Variants in EXT1 observed in about 807,000 individuals in gnomAD.
EXT1 encodes the protein exostosin-1.
EXT1 carries 20 observed loss-of-function variants against 82.5 expected under a neutral mutation model. The observed-to-expected ratio is 0.24, with a 90% CI of 0.17 to 0.35. The LOEUF is 0.35. Ranked by LOEUF, EXT1 falls within the 10% of genes least tolerant of loss-of-function variation. The pLI is 1.00. For missense variants in EXT1, 757 were observed against 936.5 expected (o/e 0.81, Z 2.50); for synonymous variants, 348 against 350.8 (o/e 0.99, Z 0.09).
intron 7 of EXT1, among the ~76,000 whole-genome samples, chr8:117,815,332 T>G (rs903992521): frequency 6.6e-6 from 1 of 152,214 alleles, no homozygotes. Context: ...AAATGGAGAA[T>G]GAGGAAGATG....
intron 1 of EXT1, among the ~76,000 whole-genome samples, chr8:118,002,984 C>T (rs763489135): frequency 6.6e-6 from 1 of 152,034 alleles, no homozygotes; most frequent in Non-Finnish European, 1.5e-5. Context: ...AGCACAAACG[C>T]CCATCAGTCA....
intron 1 of EXT1, among the ~76,000 whole-genome samples, chr8:117,953,934 A>T (rs111286177): frequency 1.5e-4 from 23 of 152,250 alleles, no homozygotes; most frequent in Non-Finnish European, 2.9e-4. Flanking sequence ...AAATAAAAAT[A>T]AAAATAAAAA....
At chr8:118,085,034 C>A (rs1239428931) in intron 1 of EXT1, among the ~76,000 whole-genome samples, 1 of 152,178 alleles carries the variant, frequency 6.6e-6, no homozygotes, top group Non-Finnish European at 1.5e-5. Context: ...GCCTTTATGG[C>A]TAACAAGGTA....
At chr8:117,827,766 C>T (rs1587000205) in intron 4 of EXT1, among the ~76,000 whole-genome samples, 1 of 97,962 alleles carries the variant, frequency 1.0e-5, no homozygotes, top group African/African-American at 4.3e-5. Context: ...GCCTGGGGGA[C>T]AGGGTGAGAC....
chr8:118,107,011 T>G (rs1184210232), intron 1 of EXT1, among the ~76,000 whole-genome samples: 1 of 152,262 alleles, frequency 6.6e-6, no homozygotes, highest in Non-Finnish European at 1.5e-5. Context: ...TTGCAGCTTT[T>G]CTATACCTTT....
intron 1 of EXT1, among the ~76,000 whole-genome samples, chr8:117,907,246 A>G (rs1813560468): frequency 6.6e-6 from 1 of 152,258 alleles, no homozygotes; most frequent in Admixed American, 6.5e-5. Context: ...GAATGCAATC[A>G]GTCCATCTAA....
chr8:117,818,341 A>G (rs1811861653), intron 7 of EXT1, 94 bp downstream of exon 7: 4 of 935,244 alleles, frequency 4.3e-6, no homozygotes, highest in African/African-American at 1.6e-5. Flanking sequence ...ATCCAGGAAC[A>G]GGGAGAAGAT....
At chr8:118,068,369 G>T (rs987784375) in intron 1 of EXT1, among the ~76,000 whole-genome samples, 1 of 152,206 alleles carries the variant, frequency 6.6e-6, no homozygotes, top group African/African-American at 2.4e-5. Flanking sequence ...GGATGCACAG[G>T]TTTGTTACAT....
At chr8:117,891,846 G>A (rs577771910) in intron 1 of EXT1, among the ~76,000 whole-genome samples, 103 of 130,282 alleles carry the variant, frequency 7.9e-4, no homozygotes, top group Admixed American at 3.3e-3. Flanking sequence ...TTGCTCTGTC[G>A]CCCAGGCTGG....
chr8:117,916,177 A>C (rs936413771), intron 1 of EXT1, among the ~76,000 whole-genome samples: 2 of 152,252 alleles, frequency 1.3e-5, no homozygotes, highest in African/African-American at 4.8e-5. Context: ...TGAAGCTGTC[A>C]TCCTCTTGTG....
chr8:117,920,502 T>C (rs929060295), intron 1 of EXT1, among the ~76,000 whole-genome samples: 3 of 152,162 alleles, frequency 2.0e-5, no homozygotes, highest in Non-Finnish European at 4.4e-5. Context: ...GTTCTTTCCC[T>C]GCATTATCTC....
chr8:118,091,724 G>A (rs1013924739), intron 1 of EXT1, among the ~76,000 whole-genome samples: 2 of 152,164 alleles, frequency 1.3e-5, no homozygotes, highest in East Asian at 1.9e-4. Flanking sequence ...CAGCCTGGGC[G>A]ACAGAGCGAG....
chr8:118,042,744 C>T (rs1178254034), intron 1 of EXT1, among the ~76,000 whole-genome samples: 2 of 152,168 alleles, frequency 1.3e-5, no homozygotes, highest in African/African-American at 4.8e-5. Context: ...CAAGTTCGTA[C>T]AACACCATGT....
rs567533605 is a variant in EXT1 at position 118,091,194 on chromosome 8, C to G, written c.962+18891G>C. On this transcript the variant is annotated intron_variant, in intron 1 of 10. Transcript: ENST00000378204. ...GAACCGAGGCCTATCTTAGACAATA[C>G]GATGCAGCTCAAGTTCCATAAAGCA... 3.3e-5 allele frequency among the ~76,000 whole-genome samples: 5 copies of G among 152,256 alleles called. No homozygotes were observed. The East Asian group carries it at 9.6e-4, about 29-fold the overall frequency.
intron 1 of EXT1, among the ~76,000 whole-genome samples, chr8:117,966,957 C>T (rs1340673604): frequency 6.6e-6 from 1 of 152,118 alleles, no homozygotes; most frequent in East Asian, 1.9e-4. Flanking sequence ...TGCATAATTA[C>T]CATGCACTAT....
intron 1 of EXT1, among the ~76,000 whole-genome samples, chr8:117,977,929 C>T (rs187472025): frequency 6.6e-6 from 1 of 152,272 alleles, no homozygotes; most frequent in African/African-American, 2.4e-5. Flanking sequence ...AGAAATTTAA[C>T]AAAAATGTAA....
chr8:118,047,671 C>G (rs549552921), intron 1 of EXT1, among the ~76,000 whole-genome samples: 2 of 152,288 alleles, frequency 1.3e-5, no homozygotes, highest in Admixed American at 1.3e-4. Context: ...AATTCCCCAA[C>G]ACTCACTTGG....
rs373666430 is a variant in EXT1 at position 117,811,894 on chromosome 8, G to A, written c.1722+978C>T. Among the ~76,000 whole-genome samples the A allele has an allele frequency of 1.2e-3, 187 of 152,290 alleles. 2 individuals are homozygous for A. The highest frequency in any genetic ancestry group is 4.1e-3 in the African/African-American group (171 of 41,568). ...CTCCCAAAGTGCTGGGATTACAGGC[G>A]TGAGCCACCGCGTCAGGCCACATCT... On this transcript the variant is annotated intron_variant, in intron 8 of 10. Coordinates refer to ENST00000378204, the MANE Select transcript of EXT1 (RefSeq NM_000127.3).
chr8:117,800,409 T>C lies in EXT1; in HGVS notation c.2056-512A>G, dbSNP rs367577828. On this transcript the variant is annotated intron_variant, in intron 10 of 10. Coordinates refer to ENST00000378204, the MANE Select transcript of EXT1 (RefSeq NM_000127.3). The stretch of plus-strand genomic sequence containing the variant: ...TTACCTTTATAAGGGTCCTACTAAA[T>C]CCTTTGTTAAAAATTCACATATATA... Among the ~76,000 whole-genome samples, 12 of 152,308 alleles carry C rather than the reference T, an allele frequency of 7.9e-5. No individual in the cohort carries two copies. The East Asian group carries it at 2.1e-3, about 27-fold the overall frequency.
Sources: allele counts gnomAD v4.1 joint callset (sites outside exome capture counted in the v4.1 genomes callset), GRCh38; gene constraint gnomAD v4.1.1; transcripts MANE v1.5; gene names NCBI Gene and HGNC (gene_info 2026-07-23, HGNC 2026-07-21).